ADAMTS20: variants seen among roughly 807,000 people sequenced by gnomAD.
The protein encoded by ADAMTS20 is A disintegrin and metalloproteinase with thrombospondin motifs 20.
ADAMTS20 carries 225 observed loss-of-function variants against 260.1 expected under a neutral mutation model. That is an observed-to-expected ratio of 0.87 (90% CI 0.78 to 0.97). The LOEUF is 0.97. ADAMTS20 is among the 50% of genes least tolerant of loss of function. The pLI is 0.00. For missense variants in ADAMTS20, 2,400 were observed against 2,337.7 expected (o/e 1.03, Z -0.55); for synonymous variants, 802 against 769.5 (o/e 1.04, Z -0.70).
Position 43,432,338 on chromosome 12 carries a change from G to A in ADAMTS20, c.3062C>T (p.Ser1021Phe), listed in dbSNP as rs751029124. 5.0e-6 allele frequency: 8 copies of A among 1,613,738 alleles called. No homozygotes were observed. The Admixed American group carries it at 1.2e-4, about 24-fold the overall frequency. The change falls in exon 21 of 39, where the codon TCC becomes TTC. Residue 1021 changes from serine to phenylalanine, a missense_variant. Physicochemically the swap from Ser to Phe is radical, Grantham distance 155. Coordinates refer to ENST00000389420, the MANE Select transcript of ADAMTS20 (RefSeq NM_025003.5). ...TTCACTAGCAGCCCAACTGGGACAG[G>A]AAAATTCATTGCAATTCTCTCTCGT... is the stretch of plus-strand genomic sequence containing the variant. ...RVTRENCNEF[S>F]CPSWAASEWS...
chr12:43,390,362 T>C (rs774962188), intron 29 of ADAMTS20, among the ~76,000 whole-genome samples: 1 of 152,238 alleles, frequency 6.6e-6, no homozygotes, highest in Non-Finnish European at 1.5e-5. Context: ...CCACACCTTT[T>C]GTATTCTCTC....
Position 43,490,404 on chromosome 12 carries a change from T to A in ADAMTS20, c.1108A>T (p.Asn370Tyr), listed in dbSNP as rs1369114049. The A allele has an allele frequency of 7.9e-7, 1 of 1,272,640 alleles. No homozygotes were observed. Among genetic ancestry groups the A allele is most frequent in the Non-Finnish European group, 1.1e-6 (1 of 938,252 alleles). The allele number at this position is 1,272,640 out of a possible 1,614,324, so 78.8% of individuals were successfully genotyped here. A position where few individuals can be genotyped will look rare whatever the true frequency, so the allele number is the denominator to read the frequency against. The change falls in exon 7 of 39, where the codon AAC becomes TAC. Residue 370 changes from asparagine to tyrosine, a missense_variant. Transcript: ENST00000389420. ...EDICSSKEKC[N>Y]MLGLSYLGTI... ...TGACAAAATAACTTACCTAACATGT[T>A]ACATTTCTCTTTAGATGAACAAATG... is the stretch of plus-strand genomic sequence containing the variant.
intron 7 of ADAMTS20, among the ~76,000 whole-genome samples, chr12:43,486,436 A>G (rs896576098): frequency 1.3e-5 from 2 of 152,200 alleles, no homozygotes; most frequent in South Asian, 4.1e-4. Flanking sequence ...CTCAAGATGG[A>G]TTAAATACTT....
intron 4 of ADAMTS20, among the ~76,000 whole-genome samples, chr12:43,499,472 C>T (rs560863786): frequency 2.0e-5 from 3 of 148,548 alleles, no homozygotes; most frequent in Admixed American, 1.4e-4. Context: ...TATCTTCTAA[C>T]AGTGATGATA....
At chr12:43,532,540 C>T (rs1006435394) in intron 2 of ADAMTS20, among the ~76,000 whole-genome samples, 2 of 141,488 alleles carry the variant, frequency 1.4e-5, no homozygotes, top group African/African-American at 5.2e-5. Flanking sequence ...AAAATAGATA[C>T]TTTTTTTTTT....
intron 37 of ADAMTS20, among the ~76,000 whole-genome samples, chr12:43,357,763 A>T (rs573265120): frequency 1.3e-5 from 2 of 152,348 alleles, no homozygotes; most frequent in South Asian, 4.1e-4. Flanking sequence ...CTAAGTTCTC[A>T]ATAAGTGTTT....
At chr12:43,463,491 C>G (rs1942101293) in intron 10 of ADAMTS20, among the ~76,000 whole-genome samples, 2 of 151,914 alleles carry the variant, frequency 1.3e-5, no homozygotes, top group Admixed American at 6.6e-5. Flanking sequence ...TCGAAAGAAA[C>G]AAAAGTCCAC....
intron 18 of ADAMTS20, among the ~76,000 whole-genome samples, chr12:43,438,886 AGTACT>A (rs1565698804): frequency 6.6e-6 from 1 of 152,212 alleles, no homozygotes; most frequent in African/African-American, 2.4e-5. Flanking sequence ...GCGTATCTAT[AGTACT>A]GTATTTACCA....
intron 32 of ADAMTS20, 77 bp from the exon 33 acceptor site, chr12:43,376,730 G>A: frequency 5.3e-6 from 8 of 1,505,516 alleles, no homozygotes; most frequent in Non-Finnish European, 7.1e-6. Flanking sequence ...CCTTTTCTTA[G>A]ACCAGGTATT....
intron 11 of ADAMTS20, among the ~76,000 whole-genome samples, chr12:43,460,988 A>ATATATATT: frequency 3.8e-5 from 1 of 26,396 alleles, no homozygotes; most frequent in African/African-American, 1.3e-4. Flanking sequence ...ATATATATAT[A>ATATATATT]TTTTTTTTTT....
At chr12:43,355,108 G>A (rs575405512) in intron 38 of ADAMTS20, among the ~76,000 whole-genome samples, 1 of 152,306 alleles carries the variant, frequency 6.6e-6, no homozygotes, top group Admixed American at 6.5e-5. Context: ...GAAGAAAACT[G>A]TAGGTTCTTG....
At chr12:43,494,009 A>T (rs1322469481) in intron 4 of ADAMTS20, among the ~76,000 whole-genome samples, 1 of 152,178 alleles carries the variant, frequency 6.6e-6, no homozygotes, top group East Asian at 1.9e-4. Flanking sequence ...TCGCTAATTC[A>T]TATTCTCTTC....
chr12:43,496,325 C>T (rs1184785846), intron 4 of ADAMTS20, among the ~76,000 whole-genome samples: 1 of 152,200 alleles, frequency 6.6e-6, no homozygotes, highest in Non-Finnish European at 1.5e-5. Flanking sequence ...AACTAAGACA[C>T]TGAAAGTTAG....
Position 43,405,229 on chromosome 12 carries a change from C to CCAAAAAAAAAAAAAA in ADAMTS20, c.4285-5997_4285-5996insTTTTTTTTTTTTTTG, listed in dbSNP as rs1410899520. Among the ~76,000 whole-genome samples the CCAAAAAAAAAAAAAA allele has an allele frequency of 3.6e-4, 19 of 52,780 alleles. 4 individuals carry two copies. The highest frequency in any genetic ancestry group is 4.9e-4 in the East Asian group (1 of 2,022). The allele number at this position is 52,780 out of a possible 152,430, so 34.6% of individuals were successfully genotyped here. Reference sequence around the variant, plus strand: ...GTAACAAAATGAGACCTCATCTCTACAAAAAAAAAAAAAAAAAAAAAAAAA... The same window carrying CCAAAAAAAAAAAAAA: ...GTAACAAAATGAGACCTCATCTCTACCAAAAAAAAAAAAAAAAAAAAAAAAAAAAAAAAAAAAAAA... On this transcript the variant is annotated intron_variant, in intron 28 of 38. Transcript: ENST00000389420.
intron 11 of ADAMTS20, among the ~76,000 whole-genome samples, 193 bp downstream of exon 11, chr12:43,462,702 T>A (rs1382236343): frequency 2.6e-5 from 4 of 152,196 alleles, no homozygotes; most frequent in Non-Finnish European, 4.4e-5. Context: ...TCATCTGCCA[T>A]AGCTTAGAAA....
chr12:43,428,190 T>A (rs531392060), intron 26 of ADAMTS20, 51 bp downstream of exon 26: 9 of 1,568,090 alleles, frequency 5.7e-6, no homozygotes, highest in Non-Finnish European at 8.7e-7. Flanking sequence ...GTTAAAAGGA[T>A]GTAATATAAC....
chr12:43,519,209 A>G (rs1592107526), intron 3 of ADAMTS20, among the ~76,000 whole-genome samples: 1 of 152,156 alleles, frequency 6.6e-6, no homozygotes, highest in Non-Finnish European at 1.5e-5. Context: ...ACCTAAAAAA[A>G]GCTTAAACTT....
chr12:43,353,377 A>C (rs113740312), downstream of ADAMTS20, among the ~76,000 whole-genome samples: 1 of 151,996 alleles, frequency 6.6e-6, no homozygotes, highest in Non-Finnish European at 1.5e-5. Flanking sequence ...AATACAGTAC[A>C]TAACTTTGAG....
chr12:43,440,297 C>T (rs1409599588), intron 16 of ADAMTS20, among the ~76,000 whole-genome samples: 4 of 151,918 alleles, frequency 2.6e-5, no homozygotes, highest in East Asian at 1.9e-4. Flanking sequence ...TACAGGCATG[C>T]GCCACCACGC....
Sources: gnomAD v4.1 joint callset for allele counts (sites outside exome capture counted in the v4.1 genomes callset) on GRCh38, gnomAD v4.1.1 for gene constraint, MANE v1.5 for transcripts, NCBI Gene and HGNC (gene_info 2026-07-23, HGNC 2026-07-21) for gene names.